MAP3K6: variants seen among roughly 807,000 people sequenced by gnomAD.
The protein encoded by MAP3K6 is mitogen-activated protein kinase kinase kinase 6.
Under a neutral mutation model 147.1 loss-of-function variants are expected in MAP3K6, and 105 were observed. The ratio of observed to expected loss-of-function variants is 0.71; its 90% CI spans 0.61 to 0.84. The LOEUF is 0.84. MAP3K6 is among the 40% of genes least tolerant of loss of function. MAP3K6 has a pLI of 0.00. For synonymous variants in MAP3K6, 695 were observed against 732.4 expected, an observed-to-expected ratio of 0.95 and a Z score of 0.82; for missense variants, 1,569 against 1,715.0, an observed-to-expected ratio of 0.91 and a Z score of 1.50.
chr1:27,355,340 C>CCATT lies in MAP3K6; in HGVS notation c.*47_*50dup. ...GTGTCAGAAGCTGCCTTTGTCCTCT[C>CCATT]CATTCATCCATCCTTGGGCCTGTCT... On this transcript the variant is annotated 3_prime_UTR_variant, in exon 29 of 29. Coordinates refer to ENST00000357582, the MANE Select transcript of MAP3K6 (RefSeq NM_004672.5). 1 of 1,531,024 alleles carries CCATT rather than the reference C, an allele frequency of 6.5e-7. No homozygotes were observed. The highest frequency in any genetic ancestry group is 9.1e-7 in the Non-Finnish European group (1 of 1,104,256). 94.8% of individuals were successfully genotyped at this position (1,531,024 alleles called of 1,614,324 possible).
chr1:27,361,117 C>G, intron 13 of MAP3K6, 40 bp downstream of exon 13: 1 of 1,565,324 alleles, frequency 6.4e-7, no homozygotes, highest in Non-Finnish European at 8.7e-7. Flanking sequence ...CCCCGGGCAT[C>G]CTGGCCCTCA....
rs776609664 is a variant in MAP3K6, at chr1:27,361,198, C to T, written c.1791G>A (p.Gln597=). The change falls in exon 13 of 29, where the codon CAG becomes CAA. Residue 597 remains glutamine, a synonymous_variant. Transcript: ENST00000357582. ...CGCTGGGGAAGCACAGCTGGACGTC[C>T]TGAGCCGGGGGGAGTGCATAGAGGA... ...CCFLYALPPA[Q]DVQLCFPSVG... 9 of 1,612,856 alleles carry T rather than the reference C, an allele frequency of 5.6e-6. No homozygotes were observed. In the African/African-American group the frequency reaches 1.2e-4, roughly 22 times the overall value.
At chr1:27,365,625 A>C (rs2015948690) in intron 1 of MAP3K6, among the ~76,000 whole-genome samples, 1 of 144,718 alleles carries the variant, frequency 6.9e-6, no homozygotes, top group Admixed American at 6.9e-5. Flanking sequence ...CCCCTGAGCC[A>C]TCCTTTCCCG....
rs181053085 is a variant in MAP3K6 at position 27,359,832 on chromosome 1, G to A, written c.2319+26C>T. Reference sequence around the variant, plus strand: ...TCCTTCCCCGCCACCCTCAGCAGATGAGGGCGGGCCAGCCCCAGGGCTTAC... The same window carrying A: ...TCCTTCCCCGCCACCCTCAGCAGATAAGGGCGGGCCAGCCCCAGGGCTTAC... On this transcript the variant is annotated intron_variant, in intron 17 of 28. Transcript: ENST00000357582. The surrounding 1 kb of genome is among the most constrained non-coding windows in gnomAD (Gnocchi z 4.4). 1.2e-6 allele frequency: 2 copies of A among 1,613,132 alleles called. No individual in the cohort carries two copies. Among genetic ancestry groups the A allele is most frequent in the East Asian group, 4.5e-5 (2 of 44,854 alleles).
In MAP3K6 at chr1:27,358,137, C is replaced by A; in HGVS notation, c.2915+44G>T. 1 of 1,538,648 alleles carries A rather than the reference C, an allele frequency of 6.5e-7. No individual in the cohort carries two copies. On this transcript the variant is annotated intron_variant, in intron 21 of 28. Transcript: ENST00000357582. The surrounding 1 kb of genome is among the most constrained non-coding windows in gnomAD (Gnocchi z 6.2). ...GCTTTTGTAGGAGAGGAGAAAAAGG[C>A]AAAACCAGGCAAAAGGAACCCATCC...
chr1:27,358,376 C>T lies in MAP3K6; in HGVS notation c.2776+43G>A. The T allele has an allele frequency of 3.1e-6, 5 of 1,587,394 alleles. No individual in the cohort carries two copies. Among genetic ancestry groups the T allele is most frequent in the Non-Finnish European group, 4.3e-6 (5 of 1,172,442 alleles). On this transcript the variant is annotated intron_variant, in intron 20 of 28. Transcript: ENST00000357582. The surrounding 1 kb of genome is among the most constrained non-coding windows in gnomAD (Gnocchi z 6.2). Reference sequence around the variant, plus strand: ...CTCCTCCACCCTCACAGCTCCACAACTCCTCTGCCCTCCACTGTGCCCATC... The same window carrying T: ...CTCCTCCACCCTCACAGCTCCACAATTCCTCTGCCCTCCACTGTGCCCATC...
Position 27,360,720 on chromosome 1 carries a change from G to A in MAP3K6, c.2039C>T (p.Pro680Leu), listed in dbSNP as rs752918819. The change falls in exon 15 of 29, where the codon CCG becomes CTG. Residue 680 changes from proline (P) to leucine (L), a missense_variant. Coordinates refer to ENST00000357582, the MANE Select transcript of MAP3K6 (RefSeq NM_004672.5). The surrounding 1 kb of genome is among the most constrained non-coding windows in gnomAD (Gnocchi z 4.5). ...CGCACCGCACCTGCTGTCCCGCTCC[G>A]GGATCTCCTTGATGGCGATGCGCAC... ...TRVRIAIKEI[P>L]ERDSRFSQPL... is the part of the protein sequence containing the mutation. 74 of 1,611,852 alleles carry A rather than the reference G, an allele frequency of 4.6e-5. 1 individual carries two copies. In the South Asian group the frequency reaches 7.7e-4, roughly 17 times the overall value.
intron 22 of MAP3K6, 27 bp from the exon 23 acceptor site, chr1:27,357,603 C>T: frequency 6.3e-7 from 1 of 1,597,166 alleles, no homozygotes; most frequent in Non-Finnish European, 8.5e-7. Context: ...GGGTTGTCAG[C>T]GAGTGCTCCA....
rs763107573 is a variant in MAP3K6, at chr1:27,358,821, C to T, written c.2471G>A (p.Arg824His). The change falls in exon 19 of 29, where the codon CGC becomes CAC. Residue 824 changes from arginine to histidine, a missense_variant. Coordinates refer to ENST00000357582, the MANE Select transcript of MAP3K6 (RefSeq NM_004672.5). This position sits in a 1 kb window ranked among gnomAD's most constrained non-coding sequence, Gnocchi z 6.2. ...GATGTCAGCTGCTTTCCCATACCCG[C>T]GTGGGCCCTGGTCAATGATTTCTGG... ...MAPEIIDQGP[R>H]GYGKAADIWS... 5.6e-6 allele frequency: 9 copies of T among 1,608,360 alleles called. No homozygotes were observed. Among genetic ancestry groups the T allele is most frequent in the Non-Finnish European group, 4.2e-6 (5 of 1,176,952 alleles).
Position 27,365,685 on chromosome 1 carries a change from A to C in MAP3K6, c.340+573T>G, listed in dbSNP as rs574047783. ...CCATTCTTTCTGGGCCGCTGAGGCC[A>C]CTTAACCTAAGCTCCCTCACCCAGT... On this transcript the variant is annotated intron_variant, in intron 1 of 28. Coordinates refer to ENST00000357582, the MANE Select transcript of MAP3K6 (RefSeq NM_004672.5). Among the ~76,000 whole-genome samples the C allele has an allele frequency of 4.0e-5, 5 of 125,332 alleles. No homozygotes were observed. In the South Asian group the frequency reaches 1.2e-3, roughly 29 times the overall value. The allele number at this position is 125,332 out of a possible 152,430, so 82.2% of individuals were successfully genotyped here. A position where few individuals can be genotyped will look rare whatever the true frequency, so the allele number is the denominator to read the frequency against.
intron 1 of MAP3K6, among the ~76,000 whole-genome samples, chr1:27,365,261 C>T (rs1355292534): frequency 6.6e-6 from 1 of 152,180 alleles, no homozygotes; most frequent in African/African-American, 2.4e-5. Context: ...CTTTGGTCTT[C>T]AGCACAGGCT....
In MAP3K6 at chr1:27,361,548, G is replaced by A; in HGVS notation, c.1658C>T (p.Thr553Ile). 1 of 1,614,200 alleles carries A rather than the reference G, an allele frequency of 6.2e-7. No homozygotes were observed. The highest frequency in any genetic ancestry group is 1.3e-5 in the African/African-American group (1 of 75,034). ...GGTCTCAGGCTCCAGCAGGCTCAGG[G>A]TCACTGTGCTTACTGGGTCAGTACC... is the stretch of plus-strand genomic sequence containing the variant. ...VRGTDPVSTV[T>I]LSLLEPETQD... Residue 553 changes from threonine (T) to isoleucine (I), a missense_variant, in exon 11 of 29, where the codon ACC (threonine) becomes ATC (isoleucine). Coordinates refer to ENST00000357582, the MANE Select transcript of MAP3K6 (RefSeq NM_004672.5).
Position 27,360,354 on chromosome 1 carries a change from A to AG in MAP3K6, c.2068dup (p.Leu690ProfsTer3), listed in dbSNP as rs1454781407. On this transcript the variant is annotated frameshift_variant, in exon 16 of 29. Transcript: ENST00000357582. LOFTEE classifies it high-confidence loss of function. The surrounding 1 kb of genome is among the most constrained non-coding windows in gnomAD (Gnocchi z 4.5). ...TCTGTGAAGAGCGATCTCTTCATGC[A>AG]GGGGCTGAGAGAACCTGAGGGGAGG... 1.9e-6 allele frequency: 3 copies of AG among 1,613,634 alleles called. No individual in the cohort carries two copies. The highest frequency in any genetic ancestry group is 2.5e-6 in the Non-Finnish European group (3 of 1,179,904).
Position 27,355,305 on chromosome 1 carries a change from T to C in MAP3K6, c.*86A>G. On this transcript the variant is annotated 3_prime_UTR_variant, in exon 29 of 29. Coordinates refer to ENST00000357582, the MANE Select transcript of MAP3K6 (RefSeq NM_004672.5). Reference sequence around the variant, plus strand: ...GGCTTCCTCCAGTCGCCCCAGGTCCTGGGGCTGGTGTGTCAGAAGCTGCCT... The same window carrying C: ...GGCTTCCTCCAGTCGCCCCAGGTCCCGGGGCTGGTGTGTCAGAAGCTGCCT... 7.6e-7 allele frequency: 1 copy of C among 1,310,630 alleles called. No individual in the cohort carries two copies. The highest frequency in any genetic ancestry group is 1.1e-6 in the Non-Finnish European group (1 of 903,324). 81.2% of individuals were successfully genotyped at this position (1,310,630 alleles called of 1,614,324 possible).
In MAP3K6 at chr1:27,358,478, A is replaced by T. The variant is rs1419151226; in HGVS notation, c.2717T>A (p.Leu906Gln). Residue 906 changes from leucine (L) to glutamine (Q), a missense_variant, in exon 20 of 29, where the codon CTG becomes CAG. Transcript: ENST00000357582. The surrounding 1 kb of genome is among the most constrained non-coding windows in gnomAD (Gnocchi z 6.2). ...GCTGCGGCTCCTTTTCCCAGGCTGC[A>T]GGAAGGGGTCCCCCAGCAGTGTCTG... ...SAQTLLGDPF[L>Q]QPGKRSRSPS... The T allele has an allele frequency of 6.3e-7, 1 of 1,595,890 alleles. No individual in the cohort carries two copies. The highest frequency in any genetic ancestry group is 8.5e-7 in the Non-Finnish European group (1 of 1,174,958).
At position 27,366,512 on chromosome 1, in the gene MAP3K6, C is replaced by A; in HGVS notation, c.86G>T (p.Arg29Leu). 2 of 1,108,878 alleles carry A rather than the reference C, an allele frequency of 1.8e-6. No homozygotes were observed. The highest frequency in any genetic ancestry group is 2.2e-6 in the Non-Finnish European group (2 of 910,700). 68.7% of individuals were successfully genotyped at this position (1,108,878 alleles called of 1,614,324 possible). Residue 29 changes from arginine (R) to leucine (L), a missense_variant, in exon 1 of 29, where the codon CGG becomes CTG. Transcript: ENST00000357582. This position sits in a 1 kb window ranked among gnomAD's most constrained non-coding sequence, Gnocchi z 5.5. Reference protein sequence around the residue: ...DPLAVALSRGRQLAAPPGRGC... With the variant: ...DPLAVALSRGLQLAAPPGRGC... The stretch of plus-strand genomic sequence containing the variant: ...CCGGCCCGGGGGCGCCGCGAGCTGC[C>A]GGCCCCGGCTCAGCGCCACGGCCAG...
At chr1:27,361,979 G>C in intron 9 of MAP3K6, 112 bp from the exon 10 acceptor site, 1 of 1,518,756 alleles carries the variant, frequency 6.6e-7, no homozygotes, top group Non-Finnish European at 8.8e-7. Context: ...CACGGGCACT[G>C]GTCTAAAAGC....
rs770486161 is a variant in MAP3K6 at position 27,360,850 on chromosome 1, G to C, written c.1921-12C>G. ...TACTCATAATCAAACTGCCGGGCGC[G>C]GGGTGAGATGGGAGTTCAGCAGGGC... On this transcript the variant is annotated splice_polypyrimidine_tract_variant and intron_variant, in intron 14 of 28. Coordinates refer to ENST00000357582, the MANE Select transcript of MAP3K6 (RefSeq NM_004672.5). The surrounding 1 kb of genome is among the most constrained non-coding windows in gnomAD (Gnocchi z 4.5). 2.5e-6 allele frequency: 4 copies of C among 1,612,356 alleles called. No homozygotes were observed. The highest frequency in any genetic ancestry group is 3.4e-6 in the Non-Finnish European group (4 of 1,179,676).
chr1:27,362,491 G>A (rs911958248), intron 8 of MAP3K6, 150 bp downstream of exon 8: 3 of 731,092 alleles, frequency 4.1e-6, no homozygotes, highest in South Asian at 1.9e-5. Context: ...CCCAGAACAG[G>A]TATGAGGACC....
Sources: gnomAD v4.1 joint callset for allele counts (sites outside exome capture counted in the v4.1 genomes callset) on GRCh38, gnomAD v4.1.1 for gene constraint, Gnocchi (gnomAD v3.1) non-coding constraint, MANE v1.5 for transcripts, NCBI Gene and HGNC (gene_info 2026-07-23, HGNC 2026-07-21) for gene names.